The following PC variants were observed in gnomAD, a reference collection of about 807,000 sequenced individuals.
The protein encoded by PC is pyruvate carboxylase, mitochondrial.
In PC, 46 loss-of-function variants were observed where a neutral mutation model predicts 107.8. The observed-to-expected ratio is 0.43, with a 90% CI of 0.34 to 0.55. The LOEUF is 0.55. Among genes scored for constraint, PC ranks in the 20% least tolerant of loss-of-function variants. The pLI is 0.04. For missense variants in PC, 1,241 were observed against 1,643.1 expected, an observed-to-expected ratio of 0.76 and a Z score of 4.23; for synonymous variants, 662 against 684.7, an observed-to-expected ratio of 0.97 and a Z score of 0.52.
chr11:66,917,728 G>A (rs1948496975), intron 3 of PC, among the ~76,000 whole-genome samples: 1 of 152,188 alleles, frequency 6.6e-6, no homozygotes, highest in Non-Finnish European at 1.5e-5. Flanking sequence ...CTGATAAGGG[G>A]AAAGGGTCTG....
intron 12 of PC, among the ~76,000 whole-genome samples, chr11:66,854,278 T>C (rs936834312): frequency 5.3e-5 from 8 of 152,342 alleles, no homozygotes; most frequent in Admixed American, 2.0e-4. Flanking sequence ...TGCACCTGCC[T>C]GGGAAGCTCT....
At chr11:66,885,656 C>T (rs1195806760) in intron 3 of PC, among the ~76,000 whole-genome samples, 1 of 152,102 alleles carries the variant, frequency 6.6e-6, no homozygotes, top group Non-Finnish European at 1.5e-5. Flanking sequence ...AGATGACGGC[C>T]ACATGACTGG....
intron 3 of PC, among the ~76,000 whole-genome samples, chr11:66,900,028 C>G (rs528230023): frequency 6.6e-6 from 1 of 152,246 alleles, no homozygotes; most frequent in South Asian, 2.1e-4. Context: ...TCTTGGCGCT[C>G]TTACTGAAAA....
chr11:66,865,986 G>A (rs1040027077), intron 11 of PC, among the ~76,000 whole-genome samples: 20 of 152,158 alleles, frequency 1.3e-4, no homozygotes, highest in Non-Finnish European at 1.9e-4. Context: ...TGACCTGGGC[G>A]CCCAGCAGTC....
At position 66,851,970 on chromosome 11, in the gene PC, G is replaced by A. The variant is rs769287358; in HGVS notation, c.1826-24C>T. ...TCCTGCACAGGAACCGAGAGGCCCA[G>A]ATCAGCTCTGCATGCCTGGGGAACT... On this transcript the variant is annotated intron_variant, in intron 15 of 22. Coordinates refer to ENST00000393960, the MANE Select transcript of PC (RefSeq NM_001040716.2). 5 of 1,612,636 alleles carry A rather than the reference G, an allele frequency of 3.1e-6. No individual in the cohort carries two copies. In the East Asian group the frequency reaches 6.7e-5, roughly 22 times the overall value.
chr11:66,890,952 TA>T (rs1382083753), intron 3 of PC, among the ~76,000 whole-genome samples: 23 of 152,232 alleles, frequency 1.5e-4, no homozygotes, highest in African/African-American at 5.5e-4. Context: ...TTAAAAGTGT[TA>T]AAAAATGAAT....
intron 3 of PC, among the ~76,000 whole-genome samples, chr11:66,935,865 G>C (rs1045541610): frequency 9.2e-5 from 14 of 152,120 alleles, no homozygotes; most frequent in Admixed American, 2.0e-4. Flanking sequence ...GAGGCAGGAG[G>C]ATCGCTTGAG....
At position 66,891,402 on chromosome 11, in the gene PC, TG is replaced by T. The variant is rs201004888; in HGVS notation, c.1-19244del. ...GTTTTTTGTTTGTTTTGTTTTGTTTTGTTTTTTTGAGACAGAGTTTTGCTCT... is the reference window on the plus strand; with the variant it reads ...GTTTTTTGTTTGTTTTGTTTTGTTTTTTTTTTTGAGACAGAGTTTTGCTCT... On this transcript the variant is annotated intron_variant, in intron 3 of 22. Transcript: ENST00000393960. Among the ~76,000 whole-genome samples, 797 of 151,168 alleles carry T rather than the reference TG, an allele frequency of 5.3e-3. 7 individuals are homozygous for T. The highest frequency in any genetic ancestry group is 0.018 in the African/African-American group (759 of 41,032).
chr11:66,933,727 C>T (rs1401492525), intron 3 of PC, among the ~76,000 whole-genome samples: 1 of 152,084 alleles, frequency 6.6e-6, no homozygotes, highest in Non-Finnish European at 1.5e-5. Context: ...TTGCATCATT[C>T]CGGAATGTCT....
Position 66,849,806 on chromosome 11 carries a change from G to A in PC, c.2952C>T (p.Pro984=), listed in dbSNP as rs1945360928. 6.2e-7 allele frequency: 1 copy of A among 1,613,996 alleles called. No individual in the cohort carries two copies. Among genetic ancestry groups the A allele is most frequent in the Non-Finnish European group, 8.5e-7 (1 of 1,179,998 alleles). The stretch of plus-strand genomic sequence containing the variant: ...CCTTCTCCAGTGCCTGCAGATCCAG[G>A]GGAGGGAGGGAGGCTCCAGGCCGCC... ...VEGRPGASLP[P]LDLQALEKEL... is the part of the protein sequence containing the mutation. Residue 984 remains proline, a synonymous_variant, in exon 21 of 23, where the codon CCC becomes CCT. Coordinates refer to ENST00000393960, the MANE Select transcript of PC (RefSeq NM_001040716.2).
intron 3 of PC, among the ~76,000 whole-genome samples, chr11:66,873,486 ATT>A (rs1435596780): frequency 1.6e-5 from 1 of 63,374 alleles, no homozygotes; most frequent in Non-Finnish European, 2.8e-5. Flanking sequence ...AATATATAAT[ATT>A]ATATATATTA....
intron 3 of PC, among the ~76,000 whole-genome samples, chr11:66,920,362 C>T (rs899677917): frequency 7.9e-5 from 12 of 152,066 alleles, no homozygotes; most frequent in Non-Finnish European, 1.5e-5. Flanking sequence ...TGCCACAAGC[C>T]CCTGCCTAAC....
chr11:66,849,069 T>G lies in PC; in HGVS notation c.3367A>C (p.Ile1123Leu). Reference protein sequence around the residue: ...GAPMPGKVIDIKVVAGAKVAK... With the variant: ...GAPMPGKVIDLKVVAGAKVAK... ...ACCTTGGCCCCTGCCACCACTTTGA[T>G]GTCTATCACCTTCCCAGGCATGGGC... Residue 1123 changes from isoleucine to leucine, a missense_variant, in exon 23 of 23, where the codon ATC becomes CTC. Around this residue, in one of 2 missense-constraint regions of PC, gnomAD observed 98 missense variants for 91.2 expected, o/e 1.07. Transcript: ENST00000393960. 1 of 1,614,108 alleles carries G rather than the reference T, an allele frequency of 6.2e-7. No homozygotes were observed. The highest frequency in any genetic ancestry group is 1.1e-5 in the South Asian group (1 of 91,092).
intron 3 of PC, among the ~76,000 whole-genome samples, chr11:66,894,154 G>C (rs1445555697): frequency 6.6e-6 from 1 of 152,048 alleles, no homozygotes; most frequent in Non-Finnish European, 1.5e-5. Flanking sequence ...TGAAAAGTGG[G>C]GTAATTCTCT....
intron 3 of PC, among the ~76,000 whole-genome samples, chr11:66,922,660 C>T (rs1197061463): frequency 1.3e-5 from 2 of 150,852 alleles, no homozygotes; most frequent in Non-Finnish European, 2.9e-5. Context: ...AGTACCTGGT[C>T]TTCCTCCACT....
At chr11:66,924,369 C>CAAGAAAAAAAA (rs1948664852) in intron 3 of PC, among the ~76,000 whole-genome samples, 1 of 65,590 alleles carries the variant, frequency 1.5e-5, no homozygotes, top group Non-Finnish European at 2.9e-5. Flanking sequence ...CCATCTCTAC[C>CAAGAAAAAAAA]AAAAAAAAAA....
Position 66,901,332 on chromosome 11 carries a change from G to T in PC, c.1-29173C>A, listed in dbSNP as rs374612022. Reference sequence around the variant, plus strand: ...AGGTAGGAGGCGGTGGAGAGAGAACGTGGGGTGTGCCTTCCTCACTCTCTA... The same window carrying T: ...AGGTAGGAGGCGGTGGAGAGAGAACTTGGGGTGTGCCTTCCTCACTCTCTA... On this transcript the variant is annotated intron_variant, in intron 3 of 22. Transcript: ENST00000393960. Among the ~76,000 whole-genome samples the T allele has an allele frequency of 3.5e-4, 53 of 152,306 alleles. 4 individuals carry two copies. Among genetic ancestry groups the T allele is most frequent in the Admixed American group, 1.9e-3 (29 of 15,292 alleles).
chr11:66,852,093 C>T lies in PC; in HGVS notation c.1826-147G>A. The T allele has an allele frequency of 1.2e-6, 1 of 838,234 alleles. No homozygotes were observed. Among genetic ancestry groups the T allele is most frequent in the Non-Finnish European group, 1.9e-6 (1 of 523,916 alleles). 51.9% of individuals were successfully genotyped at this position (838,234 alleles called of 1,614,324 possible). On this transcript the variant is annotated intron_variant, in intron 15 of 22. Transcript: ENST00000393960. The surrounding 1 kb of genome is among the most constrained non-coding windows in gnomAD (Gnocchi z 4.7). ...TACCTGTGTTCCCTGCTCCAACCCC[C>T]ACAGATTTTTCCCTTGTCTGATCTC...
rs1945432027 is a variant in PC at position 66,850,750 on chromosome 11, A to G, written c.2397T>C (p.Asp799=). The part of the protein sequence containing the change: ...AGADVVDVAA[D]SMSGMTSQPS... ...GCTGTGAAGTCATCCCAGACATGGAATCAGCTGCCACATCCACCACATCAG... is the reference window on the plus strand; with the variant it reads ...GCTGTGAAGTCATCCCAGACATGGAGTCAGCTGCCACATCCACCACATCAG... Residue 799 remains aspartate, a synonymous_variant, in exon 18 of 23, where the codon GAT becomes GAC. Transcript: ENST00000393960. The G allele has an allele frequency of 6.2e-7, 1 of 1,611,466 alleles. No homozygotes were observed.
Sources: gnomAD v4.1 joint callset for allele counts (sites outside exome capture counted in the v4.1 genomes callset) on GRCh38, gnomAD v4.1.1 for gene constraint, gnomAD v4.1.1 regional missense constraint, Gnocchi (gnomAD v3.1) non-coding constraint, MANE v1.5 for transcripts, NCBI Gene and HGNC (gene_info 2026-07-23, HGNC 2026-07-21) for gene names.